SMC6: variants seen among roughly 807,000 people sequenced by gnomAD.
SMC6 encodes the protein structural maintenance of chromosomes protein 6.
Under a neutral mutation model 142.2 loss-of-function variants are expected in SMC6, and 79 were observed. The ratio of observed to expected loss-of-function variants is 0.56; its 90% CI spans 0.46 to 0.67. The LOEUF is 0.67. Among genes scored for constraint, SMC6 ranks in the 30% least tolerant of loss-of-function variants. The pLI, the probability that SMC6 is intolerant of heterozygous loss-of-function variation, is 0.00. For missense variants in SMC6, 1,072 were observed against 1,284.0 expected (o/e 0.83, Z 2.52); for synonymous variants, 411 against 412.4 (o/e 1.00, Z 0.04).
intron 7 of SMC6, among the ~76,000 whole-genome samples, chr2:17,728,165 G>A (rs1045379163): frequency 1.3e-5 from 2 of 152,242 alleles, no homozygotes; most frequent in African/African-American, 4.8e-5. Context: ...GCCAGGCACA[G>A]TGGTTCATAC....
chr2:17,705,297 C>T (rs1002238684), intron 18 of SMC6, among the ~76,000 whole-genome samples: 1 of 151,074 alleles, frequency 6.6e-6, no homozygotes, highest in African/African-American at 2.4e-5. Context: ...AATTGCCAGG[C>T]TGGGTGCGGT....
intron 23 of SMC6, among the ~76,000 whole-genome samples, chr2:17,685,761 C>G (rs1247481069): frequency 6.6e-6 from 1 of 151,842 alleles, no homozygotes; most frequent in African/African-American, 2.4e-5. Context: ...GACCCAAAAT[C>G]CAGATGTAAT....
intron 2 of SMC6, among the ~76,000 whole-genome samples, chr2:17,747,984 C>T (rs1558385040): frequency 6.6e-6 from 1 of 152,084 alleles, no homozygotes; most frequent in Non-Finnish European, 1.5e-5. Flanking sequence ...CTTGTAGATC[C>T]CTTGCAAGAG....
rs751824928 is a variant in SMC6 at position 17,716,725 on chromosome 2, G to A, written c.1346+16C>T. 8 of 1,601,938 alleles carry A rather than the reference G, an allele frequency of 5.0e-6. 1 individual carries two copies. In the Middle Eastern group the frequency reaches 8.3e-4, roughly 166 times the overall value. On this transcript the variant is annotated intron_variant, in intron 14 of 27. Coordinates refer to ENST00000448223, the MANE Select transcript of SMC6 (RefSeq NM_001142286.2). The stretch of plus-strand genomic sequence containing the variant: ...AAGTAATTGAAAAAAATCATTCTAA[G>A]GATGTTGCAACTTACTTAATTTTGC...
At chr2:17,668,696 T>C (rs1666616525) in intron 26 of SMC6, among the ~76,000 whole-genome samples, 1 of 152,084 alleles carries the variant, frequency 6.6e-6, no homozygotes, top group African/African-American at 2.4e-5. Flanking sequence ...CTCATAAAAG[T>C]GGCATTTGAA....
At chr2:17,724,148 AGTTT>A (rs1669505256) in intron 9 of SMC6, among the ~76,000 whole-genome samples, 1 of 145,042 alleles carries the variant, frequency 6.9e-6, no homozygotes, top group Non-Finnish European at 1.5e-5. Flanking sequence ...TAGTAGGTAC[AGTTT>A]GTTTGAATAT....
At position 17,741,697 on chromosome 2, in the gene SMC6, A is replaced by C; in HGVS notation, c.153T>G (p.Ile51Met). The change falls in exon 4 of 28, where the codon ATT becomes ATG. Residue 51 changes from isoleucine (I) to methionine (M), a missense_variant. By Grantham distance (10) the Ile-to-Met change is conservative (BLOSUM62 1). Transcript: ENST00000448223. The part of the protein sequence containing the change: ...TAAEVGIIES[I>M]HLKNFMCHSM... ...AATGACACATGAAGTTTTTTAGGTG[A>C]ATACTCTCAATTATTCCAACTTCTG... 10 of 1,610,734 alleles carry C rather than the reference A, an allele frequency of 6.2e-6. No homozygotes were observed. Among genetic ancestry groups the C allele is most frequent in the Non-Finnish European group, 8.5e-6 (10 of 1,178,646 alleles).
chr2:17,700,148 CAT>C (rs1668199010), intron 21 of SMC6, 58 bp downstream of exon 21: 1 of 1,144,284 alleles, frequency 8.7e-7, no homozygotes, highest in African/African-American at 1.6e-5. Context: ...CCATAGAGTA[CAT>C]GTGGATATAA....
Position 17,688,785 on chromosome 2 carries a change from G to A in SMC6, c.2679-5022C>T, listed in dbSNP as rs562058048. 7.2e-5 allele frequency among the ~76,000 whole-genome samples: 11 copies of A among 152,246 alleles called. No individual in the cohort carries two copies. The South Asian group carries it at 2.3e-3, about 32-fold the overall frequency. On this transcript the variant is annotated intron_variant, in intron 23 of 27. Transcript: ENST00000448223. ...AATTGTAAACATATCTTGCAGAGGG[G>A]ATTTGGCAATAATTGCAAAGTCCAT...
chr2:17,676,655 T>G (rs998396857), intron 25 of SMC6, among the ~76,000 whole-genome samples: 2 of 152,150 alleles, frequency 1.3e-5, no homozygotes, highest in Non-Finnish European at 2.9e-5. Flanking sequence ...TACTTCTTAA[T>G]AATACTGAGT....
In SMC6 at chr2:17,718,075, A is replaced by G; in HGVS notation, c.1092+2T>C. On this transcript the variant is annotated splice_donor_variant, in intron 12 of 27. Transcript: ENST00000448223. LOFTEE classifies it high-confidence loss of function. ...AATTCCAGTTTAGAAAATTTATCTCACCTCAGCTTCATTATAGGCCCTTTT... is the reference window on the plus strand; with the variant it reads ...AATTCCAGTTTAGAAAATTTATCTCGCCTCAGCTTCATTATAGGCCCTTTT... 17 of 1,379,736 alleles carry G rather than the reference A, an allele frequency of 1.2e-5. No individual in the cohort carries two copies. Among genetic ancestry groups the G allele is most frequent in the Non-Finnish European group, 1.5e-5 (15 of 993,484 alleles). 85.5% of individuals were successfully genotyped at this position (1,379,736 alleles called of 1,614,324 possible).
intron 11 of SMC6, among the ~76,000 whole-genome samples, chr2:17,719,067 T>C (rs1669244854): frequency 6.6e-6 from 1 of 152,152 alleles, no homozygotes; most frequent in Admixed American, 6.5e-5. Flanking sequence ...ACTATTTCGA[T>C]CGGGGTCAGC....
At chr2:17,679,083 G>T in intron 24 of SMC6, 119 bp from the exon 25 acceptor site, 2 of 621,786 alleles carry the variant, frequency 3.2e-6, no homozygotes, top group Non-Finnish European at 5.4e-6. Context: ...GTAAACATTG[G>T]TTACTCATTT....
At chr2:17,689,264 A>G (rs1266654669) in intron 23 of SMC6, among the ~76,000 whole-genome samples, 1 of 152,188 alleles carries the variant, frequency 6.6e-6, no homozygotes, top group Non-Finnish European at 1.5e-5. Context: ...AAGAAAAAAT[A>G]TCGTATAAAA....
chr2:17,747,089 G>T (rs556395581), intron 2 of SMC6, among the ~76,000 whole-genome samples: 1 of 152,190 alleles, frequency 6.6e-6, no homozygotes, highest in African/African-American at 2.4e-5. Flanking sequence ...ATGTAGACAA[G>T]TAGGGAGCCA....
chr2:17,738,757 A>G (rs1670281704), intron 4 of SMC6, among the ~76,000 whole-genome samples: 1 of 152,138 alleles, frequency 6.6e-6, no homozygotes, highest in Non-Finnish European at 1.5e-5. Context: ...GGCTCAAGCT[A>G]TCCTCCTGCC....
chr2:17,691,350 C>CTGTG (rs146685442), intron 23 of SMC6, among the ~76,000 whole-genome samples: 5 of 140,024 alleles, frequency 3.6e-5, no homozygotes, highest in South Asian at 2.5e-4. Context: ...GTGTGTGTGT[C>CTGTG]TGTGTGTGTG....
intron 3 of SMC6, 49 bp downstream of exon 3, chr2:17,745,778 T>C (rs1670714887): frequency 2.6e-6 from 4 of 1,541,628 alleles, no homozygotes; most frequent in Non-Finnish European, 3.5e-6. Flanking sequence ...ATGATGAATG[T>C]TACAAGAAAA....
At chr2:17,704,756 T>C (rs1168128077) in intron 18 of SMC6, among the ~76,000 whole-genome samples, 1 of 152,268 alleles carries the variant, frequency 6.6e-6, no homozygotes, top group Non-Finnish European at 1.5e-5. Flanking sequence ...GCTACCTTGC[T>C]AGAATTTTTA....
Sources: allele counts gnomAD v4.1 joint callset (sites outside exome capture counted in the v4.1 genomes callset), GRCh38; gene constraint gnomAD v4.1.1; transcripts MANE v1.5; gene names NCBI Gene and HGNC (gene_info 2026-07-23, HGNC 2026-07-21).